Variants in MYO1D observed in about 807,000 individuals in gnomAD.
MYO1D encodes the protein myosin ID.
In MYO1D, 83 loss-of-function variants were observed where a neutral mutation model predicts 122.0. That is an observed-to-expected ratio of 0.68 (90% confidence interval 0.57 to 0.82). The LOEUF is 0.82. MYO1D is among the 40% of genes least tolerant of loss of function. The probability of loss-of-function intolerance (pLI) is 0.00; values close to 1 mark genes in which losing one functional copy is unlikely to be tolerated. For synonymous variants in MYO1D, 464 were observed against 446.9 expected (o/e 1.04, Z -0.48); for missense variants, 1,157 against 1,269.5 (o/e 0.91, Z 1.35).
At chr17:32,799,763 T>TAC (rs998632498) in intron 1 of MYO1D, among the ~76,000 whole-genome samples, 2 of 151,946 alleles carry the variant, frequency 1.3e-5, no homozygotes, top group Admixed American at 1.3e-4. Context: ...AGAGACAACC[T>TAC]ACAGATTGGG....
chr17:32,545,898 G>A (rs751914697), intron 21 of MYO1D, among the ~76,000 whole-genome samples: 2 of 151,234 alleles, frequency 1.3e-5, no homozygotes, highest in Non-Finnish European at 2.9e-5. Flanking sequence ...TCTTTTTCTC[G>A]GTGTCTTTTC....
rs146869259 is a variant in MYO1D at position 32,728,016 on chromosome 17, C to T, written c.1747-6827G>A. Among the ~76,000 whole-genome samples the T allele has an allele frequency of 9.7e-4, 147 of 152,108 alleles. 1 individual carries two copies. In the South Asian group the frequency reaches 0.011, roughly 11 times the overall value. ...ATATAACAGTTCTAACTTGAATGAG[C>T]CTAACAAATTCTCTAAATATTTACA... is the stretch of plus-strand genomic sequence containing the variant. On this transcript the variant is annotated intron_variant, in intron 14 of 21. Coordinates refer to ENST00000318217, the MANE Select transcript of MYO1D (RefSeq NM_015194.3).
intron 21 of MYO1D, among the ~76,000 whole-genome samples, chr17:32,503,873 A>C (rs1909407150): frequency 6.6e-6 from 1 of 152,202 alleles, no homozygotes; most frequent in Non-Finnish European, 1.5e-5. Flanking sequence ...GTCAAACCAC[A>C]CAGGGAATCT....
chr17:32,590,650 G>A (rs2087431065), intron 21 of MYO1D, among the ~76,000 whole-genome samples: 1 of 152,186 alleles, frequency 6.6e-6, no homozygotes, highest in Admixed American at 6.5e-5. Context: ...ACACTTCACT[G>A]AGTATATTAT....
chr17:32,766,802 C>CAAAACAAAAAAA (rs61293953), intron 7 of MYO1D, among the ~76,000 whole-genome samples: 56 of 150,280 alleles, frequency 3.7e-4, no homozygotes, highest in African/African-American at 4.1e-4. Flanking sequence ...AAAAAGAAAA[C>CAAAACAAAAAAA]AAAACAACAA....
intron 21 of MYO1D, among the ~76,000 whole-genome samples, chr17:32,561,906 T>C (rs1228329283): frequency 2.0e-5 from 3 of 152,136 alleles, no homozygotes; most frequent in African/African-American, 7.2e-5. Context: ...TATGTCCTCA[T>C]TGAAGTAAAG....
intron 21 of MYO1D, among the ~76,000 whole-genome samples, chr17:32,559,581 T>A (rs1448577627): frequency 1.3e-5 from 2 of 152,244 alleles, no homozygotes; most frequent in Non-Finnish European, 2.9e-5. Context: ...CCATAAACAT[T>A]ATCTGACCAT....
chr17:32,807,760 G>C (rs1047858931), intron 1 of MYO1D, among the ~76,000 whole-genome samples: 11 of 152,302 alleles, frequency 7.2e-5, no homozygotes, highest in Admixed American at 5.9e-4. Context: ...TGCCTGGAGA[G>C]TCCCCTGGAT....
intron 16 of MYO1D, among the ~76,000 whole-genome samples, chr17:32,672,635 A>G (rs2088738122): frequency 6.6e-6 from 1 of 151,990 alleles, no homozygotes; most frequent in African/African-American, 2.4e-5. Flanking sequence ...ATAGGCATGC[A>G]CCACCACACC....
rs1202021523 is a variant in MYO1D at position 32,590,483 on chromosome 17, A to G, written c.2864+14604T>C. Among the ~76,000 whole-genome samples the G allele has an allele frequency of 2.6e-5, 4 of 152,118 alleles. No homozygotes were observed. The East Asian group carries it at 7.7e-4, about 29-fold the overall frequency. ...AGTATAATGTACATGCTGTCTTTTC[A>G]TGGGATTAAGAGCTGTTTGAAGGGA... On this transcript the variant is annotated intron_variant, in intron 21 of 21. Transcript: ENST00000318217.
intron 21 of MYO1D, among the ~76,000 whole-genome samples, chr17:32,523,683 C>A (rs1407944673): frequency 6.6e-6 from 1 of 151,616 alleles, no homozygotes; most frequent in East Asian, 1.9e-4. Context: ...CACTTATAGT[C>A]CCAGCTACTT....
At chr17:32,670,990 C>A (rs1351664561) in intron 16 of MYO1D, among the ~76,000 whole-genome samples, 1 of 152,230 alleles carries the variant, frequency 6.6e-6, no homozygotes, top group Non-Finnish European at 1.5e-5. Flanking sequence ...AGAGCAGCCA[C>A]CCCATAGAAG....
At chr17:32,500,228 GCT>G (rs1477499021) in intron 21 of MYO1D, among the ~76,000 whole-genome samples, 2 of 152,178 alleles carry the variant, frequency 1.3e-5, no homozygotes, top group Non-Finnish European at 2.9e-5. Context: ...TGTGTAAATG[GCT>G]CTCTCCCAGT....
chr17:32,542,932 A>G (rs1183217449), intron 21 of MYO1D, among the ~76,000 whole-genome samples: 1 of 152,098 alleles, frequency 6.6e-6, no homozygotes, highest in Non-Finnish European at 1.5e-5. Flanking sequence ...AATGATTATA[A>G]ATTACGTATC....
At chr17:32,839,948 G>A (rs1002205396) in intron 1 of MYO1D, among the ~76,000 whole-genome samples, 1 of 152,066 alleles carries the variant, frequency 6.6e-6, no homozygotes, top group Non-Finnish European at 1.5e-5. Flanking sequence ...TCCTTTCCAG[G>A]GCTGCCATTC....
intron 1 of MYO1D, among the ~76,000 whole-genome samples, chr17:32,867,339 AAG>A (rs2091135972): frequency 6.6e-6 from 1 of 151,980 alleles, no homozygotes; most frequent in African/African-American, 2.4e-5. Context: ...AAAAAAAAAA[AAG>A]AATTGTCTGT....
intron 1 of MYO1D, among the ~76,000 whole-genome samples, chr17:32,847,949 TG>T (rs1283709029): frequency 1.3e-5 from 2 of 152,230 alleles, no homozygotes; most frequent in African/African-American, 4.8e-5. Context: ...AATTCACTGC[TG>T]AAAAAGGCAC....
intron 16 of MYO1D, among the ~76,000 whole-genome samples, chr17:32,687,783 T>C (rs2089039261): frequency 1.3e-5 from 2 of 152,214 alleles, no homozygotes; most frequent in South Asian, 4.1e-4. Context: ...ATAAGAAATC[T>C]TGTAAATCCA....
chr17:32,543,097 G>C (rs1910893343), intron 21 of MYO1D, among the ~76,000 whole-genome samples: 1 of 151,102 alleles, frequency 6.6e-6, no homozygotes, highest in Non-Finnish European at 1.5e-5. Context: ...ATGGTGGCGG[G>C]CGCCTGTAGT....
Sources: gnomAD v4.1 joint callset for allele counts (sites outside exome capture counted in the v4.1 genomes callset) on GRCh38, gnomAD v4.1.1 for gene constraint, MANE v1.5 for transcripts, NCBI Gene and HGNC (gene_info 2026-07-23, HGNC 2026-07-21) for gene names.